Variants in EPHA7 observed in about 807,000 individuals in gnomAD.
EPHA7 encodes ephrin type-A receptor 7.
EPHA7 carries 25 observed loss-of-function variants against 112.6 expected under a neutral mutation model. That is an observed-to-expected ratio of 0.22 (90% CI 0.16 to 0.31). The LOEUF (loss-of-function observed/expected upper bound fraction) is 0.31. EPHA7 is among the 10% of genes least tolerant of loss of function. The pLI is 1.00. For missense variants in EPHA7, 962 were observed against 1,212.6 expected, an observed-to-expected ratio of 0.79 and a Z score of 3.07; for synonymous variants, 437 against 406.5, an observed-to-expected ratio of 1.07 and a Z score of -0.90.
chr6:93,303,525 G>A (rs984416655), intron 5 of EPHA7, among the ~76,000 whole-genome samples: 1 of 152,034 alleles, frequency 6.6e-6, no homozygotes, highest in Non-Finnish European at 1.5e-5. Context: ...GTTTGTTGAT[G>A]GCTGCATTTT....
At chr6:93,379,373 T>C (rs531460444) in intron 3 of EPHA7, among the ~76,000 whole-genome samples, 1 of 152,202 alleles carries the variant, frequency 6.6e-6, no homozygotes, top group South Asian at 2.1e-4. Flanking sequence ...AAATTATAGT[T>C]GGGCATTTTG....
At chr6:93,361,264 C>G (rs1212035781) in intron 3 of EPHA7, among the ~76,000 whole-genome samples, 1 of 151,916 alleles carries the variant, frequency 6.6e-6, no homozygotes, top group Admixed American at 6.6e-5. Flanking sequence ...TAAGTTGAAG[C>G]AAGCCAGTTT....
chr6:93,282,590 C>G (rs1490351041), intron 5 of EPHA7, among the ~76,000 whole-genome samples: 1 of 152,196 alleles, frequency 6.6e-6, no homozygotes, highest in Non-Finnish European at 1.5e-5. Context: ...TGTGGGAGCC[C>G]CTTTTTGGGC....
At chr6:93,333,149 TC>T (rs1438322537) in intron 5 of EPHA7, among the ~76,000 whole-genome samples, 1 of 151,820 alleles carries the variant, frequency 6.6e-6, no homozygotes, top group Non-Finnish European at 1.5e-5. Context: ...GGTTTTCTTT[TC>T]CTGCATTAAT....
At chr6:93,325,989 A>G (rs1401485831) in intron 5 of EPHA7, among the ~76,000 whole-genome samples, 32 of 151,412 alleles carry the variant, frequency 2.1e-4, no homozygotes, top group Admixed American at 2.1e-3. Flanking sequence ...TCTCTTCGCC[A>G]TCAATGAGAT....
intron 5 of EPHA7, among the ~76,000 whole-genome samples, chr6:93,354,279 C>T (rs955624229): frequency 2.6e-5 from 4 of 151,946 alleles, no homozygotes; most frequent in African/African-American, 9.7e-5. Context: ...AGTATACTCA[C>T]ACAAAAGAAC....
chr6:93,250,947 G>A (rs928680052), intron 14 of EPHA7, among the ~76,000 whole-genome samples: 4 of 152,076 alleles, frequency 2.6e-5, no homozygotes, highest in Non-Finnish European at 4.4e-5. Context: ...GTTACTTACT[G>A]AGAAGTGTTT....
intron 5 of EPHA7, among the ~76,000 whole-genome samples, chr6:93,289,575 G>T (rs1251555373): frequency 6.6e-6 from 1 of 151,988 alleles, no homozygotes; most frequent in Non-Finnish European, 1.5e-5. Context: ...ATTGGGCCAA[G>T]ATCGCGCCAC....
At chr6:93,414,067 T>C (rs1039643505) in intron 2 of EPHA7, among the ~76,000 whole-genome samples, 2 of 151,898 alleles carry the variant, frequency 1.3e-5, no homozygotes, top group African/African-American at 4.8e-5. Context: ...GATTTACTAA[T>C]ATTTTGGTAG....
intron 5 of EPHA7, among the ~76,000 whole-genome samples, chr6:93,311,652 G>A (rs1773547480): frequency 6.6e-6 from 1 of 152,056 alleles, no homozygotes; most frequent in Admixed American, 6.5e-5. Context: ...TATTGATGTT[G>A]AAAATTTGAC....
chr6:93,362,230 G>T (rs1776297141), intron 3 of EPHA7, among the ~76,000 whole-genome samples: 1 of 151,762 alleles, frequency 6.6e-6, no homozygotes, highest in African/African-American at 2.4e-5. Flanking sequence ...CAAAGAAAAA[G>T]GAAATCTAGG....
At chr6:93,417,839 T>C (rs1779318478) in intron 1 of EPHA7, among the ~76,000 whole-genome samples, 1 of 152,042 alleles carries the variant, frequency 6.6e-6, no homozygotes, top group South Asian at 2.1e-4. Context: ...GTTCAGCATC[T>C]ATACAGGTTG....
chr6:93,305,493 A>C (rs1299744140), intron 5 of EPHA7, among the ~76,000 whole-genome samples: 4 of 151,912 alleles, frequency 2.6e-5, no homozygotes. Context: ...GGCAATTCCA[A>C]CCTAAAGAGC....
At chr6:93,341,885 A>G (rs1775156002) in intron 5 of EPHA7, among the ~76,000 whole-genome samples, 1 of 151,782 alleles carries the variant, frequency 6.6e-6, no homozygotes, top group African/African-American at 2.4e-5. Flanking sequence ...GTGATGCCAA[A>G]TATAATTTAA....
chr6:93,414,654 T>G, intron 2 of EPHA7, 49 bp downstream of exon 2: 1 of 1,439,384 alleles, frequency 6.9e-7, no homozygotes, highest in Non-Finnish European at 9.8e-7. Context: ...AGGGAAACGT[T>G]TTGTTTCTTA....
intron 2 of EPHA7, among the ~76,000 whole-genome samples, chr6:93,412,646 A>C (rs992646228): frequency 1.1e-4 from 16 of 152,080 alleles, no homozygotes; most frequent in African/African-American, 3.4e-4. Flanking sequence ...CTGAATGGCA[A>C]TCAGCCAAAC....
chr6:93,401,662 A>G (rs964563445), intron 3 of EPHA7, among the ~76,000 whole-genome samples: 2 of 152,056 alleles, frequency 1.3e-5, no homozygotes, highest in African/African-American at 4.8e-5. Flanking sequence ...TTACATTAAT[A>G]TCCTAATGAA....
intron 3 of EPHA7, among the ~76,000 whole-genome samples, chr6:93,409,400 G>T (rs541867): frequency 0.51 from 77,641 of 151,700 alleles, 20,270 homozygotes; most frequent in East Asian, 0.68. Context: ...TTTTTATTGT[G>T]TAAAACATAA....
At chr6:93,303,940 C>G (rs1242299531) in intron 5 of EPHA7, among the ~76,000 whole-genome samples, 1 of 152,010 alleles carries the variant, frequency 6.6e-6, no homozygotes, top group African/African-American at 2.4e-5. Context: ...CTGACTAGCA[C>G]TTAATATGCT....
Sources: allele counts gnomAD v4.1 joint callset (sites outside exome capture counted in the v4.1 genomes callset), GRCh38; gene constraint gnomAD v4.1.1; transcripts MANE v1.5; gene names NCBI Gene and HGNC (gene_info 2026-07-23, HGNC 2026-07-21).